The following DSCAML1 variants were observed in gnomAD, a reference collection of about 807,000 sequenced individuals.
DSCAML1 encodes the protein cell adhesion molecule DSCAML1.
DSCAML1 carries 38 observed loss-of-function variants against 200.5 expected under a neutral mutation model. That is an observed-to-expected ratio of 0.19 (90% confidence interval 0.15 to 0.25). DSCAML1 has a LOEUF of 0.25. DSCAML1 is among the 10% of genes least tolerant of loss of function. The pLI, the probability that DSCAML1 is intolerant of heterozygous loss-of-function variation, is 1.00. For missense variants in DSCAML1, 2,223 were observed against 2,858.8 expected (o/e 0.78, Z 5.07); for synonymous variants, 1,215 against 1,165.0 (o/e 1.04, Z -0.87).
intron 3 of DSCAML1, among the ~76,000 whole-genome samples, chr11:117,767,189 C>T (rs1407166333): frequency 6.6e-6 from 1 of 152,138 alleles, no homozygotes; most frequent in Non-Finnish European, 1.5e-5. Flanking sequence ...AAGTTATCTC[C>T]AAGAGCTGAA....
At chr11:117,577,535 TTTCC>T (rs1423257850) in intron 3 of DSCAML1, among the ~76,000 whole-genome samples, 1 of 83,594 alleles carries the variant, frequency 1.2e-5, no homozygotes, top group Non-Finnish European at 2.3e-5. Context: ...CCTTCCTTCC[TTTCC>T]TTCCTTCCCT....
At chr11:117,765,365 G>A (rs966088652) in intron 3 of DSCAML1, among the ~76,000 whole-genome samples, 3 of 152,216 alleles carry the variant, frequency 2.0e-5, no homozygotes, top group African/African-American at 7.2e-5. Flanking sequence ...TGGCCTTAGG[G>A]GGTAACATTA....
intron 3 of DSCAML1, among the ~76,000 whole-genome samples, chr11:117,730,840 G>C (rs866484142): frequency 1.3e-5 from 2 of 152,172 alleles, no homozygotes; most frequent in Non-Finnish European, 2.9e-5. Flanking sequence ...AATCAAATGT[G>C]GATTCATCCT....
In DSCAML1 at chr11:117,734,619, C is replaced by T. The variant is rs148104784; in HGVS notation, c.511+42172G>A. Among the ~76,000 whole-genome samples the T allele has an allele frequency of 5.3e-5, 8 of 152,320 alleles. No individual in the cohort carries two copies. The East Asian group carries it at 5.8e-4, about 11-fold the overall frequency. The stretch of plus-strand genomic sequence containing the variant: ...ACCCCCATTCTCTCCTGATCTCTTC[C>T]GTAGCTTTTGTGATTGCTTGGTGAT... On this transcript the variant is annotated intron_variant, in intron 3 of 32. Transcript: ENST00000651296.
rs1272686966 is a variant in DSCAML1, at chr11:117,769,529, T to A, written c.511+7262A>T. On this transcript the variant is annotated intron_variant, in intron 3 of 32. Transcript: ENST00000651296. ...TATATTTTATATATATTATATATAT[T>A]TTATATATATTATATATTTTATATA... is the stretch of plus-strand genomic sequence containing the variant. Among the ~76,000 whole-genome samples the A allele has an allele frequency of 4.1e-4, 29 of 71,336 alleles. 3 individuals are homozygous for A. Among genetic ancestry groups the A allele is most frequent in the Middle Eastern group, 6.3e-3 (1 of 158 alleles). 46.8% of individuals were successfully genotyped at this position (71,336 alleles called of 152,430 possible).
chr11:117,506,977 C>T (rs1271758856), intron 8 of DSCAML1, among the ~76,000 whole-genome samples: 1 of 152,172 alleles, frequency 6.6e-6, no homozygotes, highest in Non-Finnish European at 1.5e-5. Context: ...CAGCCTTCCT[C>T]CCGCTAGAAA....
chr11:117,479,328 T>C (rs1734457416), intron 14 of DSCAML1, among the ~76,000 whole-genome samples: 2 of 152,266 alleles, frequency 1.3e-5, no homozygotes, highest in Admixed American at 1.3e-4. Flanking sequence ...TTGAGTAATC[T>C]AGATTCTACT....
chr11:117,451,849 T>C (rs2048289831), intron 19 of DSCAML1, among the ~76,000 whole-genome samples: 1 of 152,020 alleles, frequency 6.6e-6, no homozygotes, highest in Admixed American at 6.5e-5. Context: ...CCTAGCACAG[T>C]GCCTATTGCA....
At chr11:117,805,099 A>G (rs1310927973) in intron 1 of DSCAML1, among the ~76,000 whole-genome samples, 1 of 152,206 alleles carries the variant, frequency 6.6e-6, no homozygotes, top group African/African-American at 2.4e-5. Flanking sequence ...CTGGACCACT[A>G]TCCCACGAAC....
intron 3 of DSCAML1, among the ~76,000 whole-genome samples, chr11:117,586,267 G>A (rs2051139634): frequency 7.2e-6 from 1 of 138,950 alleles, no homozygotes; most frequent in South Asian, 2.7e-4. Flanking sequence ...CCAGCCGTGA[G>A]CAATAGAACA....
intron 3 of DSCAML1, among the ~76,000 whole-genome samples, chr11:117,614,066 G>A (rs569769173): frequency 4.8e-4 from 73 of 152,176 alleles, no homozygotes; most frequent in Admixed American, 4.6e-4. Context: ...GGGAGGAAAG[G>A]GGCTACAGGG....
chr11:117,765,313 C>T (rs2054876299), intron 3 of DSCAML1, among the ~76,000 whole-genome samples: 1 of 152,218 alleles, frequency 6.6e-6, no homozygotes, highest in Non-Finnish European at 1.5e-5. Flanking sequence ...AGCAAGATGC[C>T]AGGACCACAA....
At chr11:117,782,568 C>T (rs2055283758) in intron 1 of DSCAML1, among the ~76,000 whole-genome samples, 1 of 152,198 alleles carries the variant, frequency 6.6e-6, no homozygotes, top group Middle Eastern at 3.2e-3. Flanking sequence ...TGGAAGCATG[C>T]CCAACTTGCT....
Position 117,710,333 on chromosome 11 carries a change from C to T in DSCAML1, c.511+66458G>A, listed in dbSNP as rs117388968. Among the ~76,000 whole-genome samples, 62 of 152,322 alleles carry T rather than the reference C, an allele frequency of 4.1e-4. No individual in the cohort carries two copies. In the East Asian group the frequency reaches 0.011, roughly 27 times the overall value. ...CAAAATCATATTATTTTACAATACT[C>T]TATTCCTCAGAGTATTTTTACCACC... On this transcript the variant is annotated intron_variant, in intron 3 of 32. Coordinates refer to ENST00000651296, the MANE Select transcript of DSCAML1 (RefSeq NM_020693.4).
At chr11:117,593,857 G>T (rs996935861) in intron 3 of DSCAML1, among the ~76,000 whole-genome samples, 2 of 151,924 alleles carry the variant, frequency 1.3e-5, no homozygotes, top group Non-Finnish European at 2.9e-5. Flanking sequence ...GACTACAGGC[G>T]CCCGCCACCA....
chr11:117,481,902 G>C, intron 12 of DSCAML1, 61 bp downstream of exon 12: 1 of 1,596,418 alleles, frequency 6.3e-7, no homozygotes, highest in Non-Finnish European at 8.6e-7. Context: ...AGATGTGATA[G>C]CTGCGGGCTC....
intron 1 of DSCAML1, among the ~76,000 whole-genome samples, chr11:117,785,123 C>T (rs142253497): frequency 1.7e-4 from 26 of 152,266 alleles, no homozygotes; most frequent in South Asian, 6.2e-4. Flanking sequence ...ACCAGCCACG[C>T]GCTGCACCAC....
At chr11:117,636,983 A>G (rs2052300506) in intron 3 of DSCAML1, among the ~76,000 whole-genome samples, 1 of 152,090 alleles carries the variant, frequency 6.6e-6, no homozygotes, top group African/African-American at 2.4e-5. Flanking sequence ...ACCTTACTCT[A>G]TGCTGGTTTT....
chr11:117,516,645 G>A lies in DSCAML1; in HGVS notation c.1605C>T (p.Ser535=). ...NCRVIGYPYY[S]IKWYKDALLL... ...GCAGGGCATCCTTGTACCACTTGAT[G>A]GAGTAGTAGGGATAGCCGATGACCC... Residue 535 remains serine, a synonymous_variant, in exon 8 of 33, where the codon TCC becomes TCT. Transcript: ENST00000651296. The surrounding 1 kb of genome is among the most constrained non-coding windows in gnomAD (Gnocchi z 5.7). 1 of 1,614,074 alleles carries A rather than the reference G, an allele frequency of 6.2e-7. No individual in the cohort carries two copies. Among genetic ancestry groups the A allele is most frequent in the Non-Finnish European group, 8.5e-7 (1 of 1,180,014 alleles).
Sources: gnomAD v4.1 joint callset for allele counts (sites outside exome capture counted in the v4.1 genomes callset) on GRCh38, gnomAD v4.1.1 for gene constraint, Gnocchi (gnomAD v3.1) non-coding constraint, MANE v1.5 for transcripts, NCBI Gene and HGNC (gene_info 2026-07-23, HGNC 2026-07-21) for gene names.